NEK5: variants seen among roughly 807,000 people sequenced by gnomAD.
The protein encoded by NEK5 is NIMA related kinase 5.
Under a neutral mutation model 109.2 loss-of-function variants are expected in NEK5, and 88 were observed. The observed-to-expected ratio is 0.81, with a 90% CI of 0.68 to 0.96. The LOEUF (loss-of-function observed/expected upper bound fraction) is 0.96. Ranked by LOEUF, NEK5 falls within the 40% of genes least tolerant of loss-of-function variation. The pLI is 0.00. For missense variants in NEK5, 834 were observed against 920.7 expected, an observed-to-expected ratio of 0.91 and a Z score of 1.22; for synonymous variants, 283 against 299.9, an observed-to-expected ratio of 0.94 and a Z score of 0.58.
At chr13:52,068,079 G>A (rs1024742501) in intron 20 of NEK5, among the ~76,000 whole-genome samples, 2 of 152,050 alleles carry the variant, frequency 1.3e-5, no homozygotes, top group Non-Finnish European at 2.9e-5. Context: ...GGAGCTGCCA[G>A]AAATTCATGC....
intron 9 of NEK5, among the ~76,000 whole-genome samples, chr13:52,103,256 C>T (rs935719761): frequency 3.9e-5 from 6 of 152,180 alleles, no homozygotes; most frequent in African/African-American, 7.2e-5. Flanking sequence ...TGGCAAAACC[C>T]TGACTCTACT....
chr13:52,097,887 G>GAC (rs1955449534), intron 12 of NEK5, among the ~76,000 whole-genome samples: 11 of 152,188 alleles, frequency 7.2e-5, no homozygotes, highest in Non-Finnish European at 2.9e-5. Flanking sequence ...TGTTGGAGGA[G>GAC]GGGCCTGGTG....
chr13:52,090,980 C>T (rs1955270359), intron 13 of NEK5, among the ~76,000 whole-genome samples: 1 of 151,794 alleles, frequency 6.6e-6, no homozygotes, highest in South Asian at 2.1e-4. Flanking sequence ...GAGCCAAGAT[C>T]GCGTCACTGC....
chr13:52,115,396 G>C (rs1955837271), intron 4 of NEK5, among the ~76,000 whole-genome samples: 1 of 151,248 alleles, frequency 6.6e-6, no homozygotes, highest in South Asian at 2.1e-4. Flanking sequence ...CCTGAGGTCA[G>C]GAATTTGAGA....
At chr13:52,078,714 C>T (rs74087053) in intron 17 of NEK5, among the ~76,000 whole-genome samples, 1,959 of 152,246 alleles carry the variant, frequency 0.013, 49 homozygotes, top group African/African-American at 0.045. Context: ...TCCATGGCTA[C>T]ACAGTTAATC....
In NEK5 at chr13:52,060,313, A is replaced by C. The variant is rs570547191; in HGVS notation, c.2110+1506T>G. 1.3e-4 allele frequency among the ~76,000 whole-genome samples: 20 copies of C among 152,346 alleles called. No individual in the cohort carries two copies. In the South Asian group the frequency reaches 3.9e-3, roughly 30 times the overall value. On this transcript the variant is annotated intron_variant, in intron 22 of 23. Coordinates refer to ENST00000684899, the MANE Select transcript of NEK5 (RefSeq NM_001365552.1). ...AACTGTTGGGACTCAACTGACAGTT[A>C]AAAATTACTATGTTTTTGTAGTGGT...
Position 52,035,472 on chromosome 13 carries a change from A to G in NEK5, c.*1476T>C, listed in dbSNP as rs1566719804. The G allele has an allele frequency of 6.6e-6, 1 of 152,078 alleles. No homozygotes were observed. The highest frequency in any genetic ancestry group is 1.5e-5 in the Non-Finnish European group (1 of 68,020). The allele number at this position is 152,078 out of a possible 1,614,324, so 9.4% of individuals were successfully genotyped here. Reference sequence around the variant, plus strand: ...AATTCTACCACCCTGAAATGTAACCACCCTCTCCTTCCTAAGCCCAGACAT... The same window carrying G: ...AATTCTACCACCCTGAAATGTAACCGCCCTCTCCTTCCTAAGCCCAGACAT... On this transcript the variant is annotated 3_prime_UTR_variant, in exon 24 of 24. Transcript: ENST00000684899.
chr13:52,067,928 G>A (rs941723312), intron 20 of NEK5, among the ~76,000 whole-genome samples: 2 of 152,060 alleles, frequency 1.3e-5, no homozygotes, highest in Non-Finnish European at 2.9e-5. Context: ...CTGGCCTTGA[G>A]AGATCTGCCC....
At chr13:52,124,399 T>C (rs1390110841) in intron 3 of NEK5, among the ~76,000 whole-genome samples, 6 of 152,076 alleles carry the variant, frequency 3.9e-5, no homozygotes. Context: ...AGAATATATA[T>C]ATTTTTCCAA....
rs757840899 is a variant in NEK5 at position 52,127,350 on chromosome 13, T to C, written c.117+16A>G. On this transcript the variant is annotated intron_variant, in intron 3 of 23. Transcript: ENST00000684899. ...TATCCCACTGAAAATTAACAGAAAT[T>C]TGAACTTAACTTTACCTTTTCAAAA... 9.4e-7 allele frequency: 1 copy of C among 1,058,908 alleles called. No homozygotes were observed. The highest frequency in any genetic ancestry group is 1.3e-5 in the South Asian group (1 of 76,830). 65.6% of individuals were successfully genotyped at this position (1,058,908 alleles called of 1,614,324 possible). A position where few individuals can be genotyped will look rare whatever the true frequency, so the allele number is the denominator to read the frequency against.
chr13:52,118,332 C>T (rs1955901516), intron 4 of NEK5, among the ~76,000 whole-genome samples: 1 of 152,286 alleles, frequency 6.6e-6, no homozygotes, highest in South Asian at 2.1e-4. Context: ...GCACATACAG[C>T]CCTGTCACAA....
intron 13 of NEK5, 66 bp downstream of exon 13, chr13:52,092,985 GAAT>G: frequency 2.8e-6 from 3 of 1,064,232 alleles, no homozygotes; most frequent in Non-Finnish European, 4.0e-6. Flanking sequence ...TTGGATTTCA[GAAT>G]AATAAATGTT....
At chr13:52,118,724 T>A (rs150940322) in intron 4 of NEK5, among the ~76,000 whole-genome samples, 1 of 152,134 alleles carries the variant, frequency 6.6e-6, no homozygotes, top group Non-Finnish European at 1.5e-5. Flanking sequence ...TAGGCTATGG[T>A]GCGTGGCTGT....
At chr13:52,073,320 C>CTT (rs111793172) in intron 19 of NEK5, among the ~76,000 whole-genome samples, 1 of 143,258 alleles carries the variant, frequency 7.0e-6, no homozygotes, top group Non-Finnish European at 1.5e-5. Context: ...TTTTCTTTCC[C>CTT]TTTTTTTTTT....
intron 5 of NEK5, 69 bp downstream of exon 5, chr13:52,112,199 G>T: frequency 1.2e-6 from 1 of 801,332 alleles, no homozygotes; most frequent in Non-Finnish European, 2.1e-6. Context: ...TACTACTTAT[G>T]ACATTATAAA....
intron 4 of NEK5, among the ~76,000 whole-genome samples, chr13:52,114,531 C>A (rs1955814560): frequency 6.6e-6 from 1 of 152,122 alleles, no homozygotes; most frequent in South Asian, 2.1e-4. Flanking sequence ...TATTAACAAA[C>A]TTCTATTGAG....
intron 22 of NEK5, among the ~76,000 whole-genome samples, chr13:52,054,713 C>T (rs9568693): frequency 0.4 from 58,461 of 147,842 alleles, 11,828 homozygotes; most frequent in Non-Finnish European, 0.51. Flanking sequence ...CGGCCGGGTA[C>T]TCCAACAGAC....
chr13:52,088,867 G>A (rs565511162), intron 14 of NEK5, among the ~76,000 whole-genome samples: 147 of 151,862 alleles, frequency 9.7e-4, no homozygotes, highest in Non-Finnish European at 1.5e-3. Flanking sequence ...TAGGTGGGTG[G>A]ATCACCCGAG....
At chr13:52,104,028 C>T (rs1419469035) in intron 9 of NEK5, among the ~76,000 whole-genome samples, 1 of 152,156 alleles carries the variant, frequency 6.6e-6, no homozygotes, top group East Asian at 1.9e-4. Context: ...GGCGCAATCT[C>T]AGCTGACTGC....
Sources: gnomAD v4.1 joint callset for allele counts (sites outside exome capture counted in the v4.1 genomes callset) on GRCh38, gnomAD v4.1.1 for gene constraint, MANE v1.5 for transcripts, NCBI Gene and HGNC (gene_info 2026-07-23, HGNC 2026-07-21) for gene names.